LAMA2: variants seen among roughly 807,000 people sequenced by gnomAD.
LAMA2 encodes laminin subunit alpha-2.
LAMA2 carries 269 observed loss-of-function variants against 364.8 expected under a neutral mutation model. That is an observed-to-expected ratio of 0.74 (90% CI 0.67 to 0.82). The LOEUF is 0.82. Among genes scored for constraint, LAMA2 ranks in the 40% least tolerant of loss-of-function variants. The pLI is 0.00. For synonymous variants in LAMA2, 1,379 were observed against 1,370.6 expected (o/e 1.01, Z -0.14); for missense variants, 3,807 against 3,873.2 (o/e 0.98, Z 0.45).
intron 41 of LAMA2, among the ~76,000 whole-genome samples, chr6:129,438,264 C>A (rs1781932271): frequency 6.6e-6 from 1 of 151,738 alleles, no homozygotes; most frequent in African/African-American, 2.4e-5. Context: ...TCCAATGATT[C>A]ATTTTGGTAA....
intron 28 of LAMA2, 128 bp downstream of exon 28, chr6:129,320,783 G>A (rs1774917617): frequency 7.2e-6 from 5 of 697,424 alleles, no homozygotes; most frequent in Non-Finnish European, 1.1e-5. Context: ...CTCACAGTGT[G>A]AGACACAGTG....
At chr6:128,927,003 C>T (rs13198867) in intron 1 of LAMA2, among the ~76,000 whole-genome samples, 20,012 of 152,036 alleles carry the variant, frequency 0.13, 1,699 homozygotes, top group African/African-American at 0.24. Context: ...TATAAACCAT[C>T]GAGCAAGCAC....
At chr6:129,336,391 C>T (rs1019177552) in intron 29 of LAMA2, among the ~76,000 whole-genome samples, 4 of 152,112 alleles carry the variant, frequency 2.6e-5, no homozygotes, top group African/African-American at 9.7e-5. Context: ...TTTTCTAAAT[C>T]CCAGTAAAAT....
At chr6:129,214,946 T>C (rs182933748) in intron 12 of LAMA2, among the ~76,000 whole-genome samples, 78 of 152,336 alleles carry the variant, frequency 5.1e-4, no homozygotes, top group African/African-American at 1.7e-3. Context: ...CTTTGATTTC[T>C]TTCACTGGAG....
chr6:128,997,624 G>A (rs1784068815), intron 1 of LAMA2, among the ~76,000 whole-genome samples: 1 of 151,560 alleles, frequency 6.6e-6, no homozygotes, highest in Non-Finnish European at 1.5e-5. Flanking sequence ...GTGAAACCCT[G>A]TCTCTACCAA....
chr6:129,087,543 T>C (rs956173344), intron 3 of LAMA2, among the ~76,000 whole-genome samples: 19 of 152,178 alleles, frequency 1.2e-4, no homozygotes, highest in African/African-American at 4.6e-4. Flanking sequence ...GAAAATGTGG[T>C]TTCCTTTTAT....
chr6:129,155,906 A>G (rs1186913493), intron 8 of LAMA2, among the ~76,000 whole-genome samples: 1 of 152,038 alleles, frequency 6.6e-6, no homozygotes, highest in African/African-American at 2.4e-5. Flanking sequence ...AGAAAATATT[A>G]GGATTATTGC....
At chr6:129,077,297 C>T (rs752878511) in intron 3 of LAMA2, among the ~76,000 whole-genome samples, 4 of 151,880 alleles carry the variant, frequency 2.6e-5, no homozygotes, top group Middle Eastern at 3.2e-3. Context: ...GTTTATAAAA[C>T]GAAATACAAA....
chr6:129,492,160 A>G, intron 57 of LAMA2, 83 bp downstream of exon 57: 2 of 1,412,912 alleles, frequency 1.4e-6, no homozygotes, highest in Non-Finnish European at 2.0e-6. Flanking sequence ...TACATTGTCT[A>G]CAGCTATGCA....
At chr6:129,022,721 A>G (rs1464700356) in intron 1 of LAMA2, among the ~76,000 whole-genome samples, 1 of 152,176 alleles carries the variant, frequency 6.6e-6, no homozygotes, top group African/African-American at 2.4e-5. Context: ...ATAAGCAAAA[A>G]CAATTTTCAT....
intron 58 of LAMA2, among the ~76,000 whole-genome samples, chr6:129,499,141 GC>G (rs1334210398): frequency 2.0e-5 from 3 of 152,086 alleles, no homozygotes; most frequent in Non-Finnish European, 2.9e-5. Flanking sequence ...TGAAAAACAA[GC>G]GTATCTGTCC....
At chr6:129,191,407 A>C (rs968258865) in intron 11 of LAMA2, among the ~76,000 whole-genome samples, 2 of 152,218 alleles carry the variant, frequency 1.3e-5, no homozygotes, top group African/African-American at 4.8e-5. Flanking sequence ...ACTTCAAAGA[A>C]TCAACCACAG....
At position 129,277,273 on chromosome 6, in the gene LAMA2, A is replaced by G. The variant is rs940290187; in HGVS notation, c.2451-2788A>G. Among the ~76,000 whole-genome samples, 36 of 152,200 alleles carry G rather than the reference A, an allele frequency of 2.4e-4. 1 individual carries two copies. The highest frequency in any genetic ancestry group is 7.5e-4 in the African/African-American group (31 of 41,454). ...TTCCTCTTTGTGTCACGGAACAATT[A>G]GCTTCATGTCTTGGCCAAAATTAGT... On this transcript the variant is annotated intron_variant, in intron 17 of 64. Transcript: ENST00000421865.
chr6:129,103,189 G>GT (rs1775613262), intron 4 of LAMA2, among the ~76,000 whole-genome samples: 1 of 152,182 alleles, frequency 6.6e-6, no homozygotes, highest in Non-Finnish European at 1.5e-5. Context: ...TTAAACATAT[G>GT]TTTTTGTATA....
intron 1 of LAMA2, among the ~76,000 whole-genome samples, chr6:129,045,081 T>C (rs1357967485): frequency 6.6e-6 from 1 of 152,166 alleles, no homozygotes; most frequent in East Asian, 1.9e-4. Flanking sequence ...AGCAACTAAT[T>C]GGAGACCTTT....
intron 1 of LAMA2, among the ~76,000 whole-genome samples, chr6:128,984,511 C>A (rs1231451363): frequency 1.3e-5 from 2 of 152,140 alleles, no homozygotes; most frequent in Non-Finnish European, 2.9e-5. Flanking sequence ...CAAAAAATTT[C>A]CAACTTTCAA....
chr6:129,429,138 C>A (rs562240885), intron 41 of LAMA2, among the ~76,000 whole-genome samples: 2 of 152,332 alleles, frequency 1.3e-5, no homozygotes, highest in South Asian at 4.1e-4. Flanking sequence ...CAAATGCCAT[C>A]ATTTCCAGGA....
intron 1 of LAMA2, among the ~76,000 whole-genome samples, chr6:128,938,146 C>A (rs1158148253): frequency 6.6e-6 from 1 of 152,020 alleles, no homozygotes; most frequent in East Asian, 1.9e-4. Context: ...TCACCACTTA[C>A]AAGGTATTTA....
intron 9 of LAMA2, among the ~76,000 whole-genome samples, chr6:129,169,976 T>G (rs1160398074): frequency 4.6e-5 from 7 of 151,280 alleles, no homozygotes; most frequent in African/African-American, 9.8e-5. Context: ...TTCTCTGATT[T>G]TAGTTTGTAT....
Sources: gnomAD v4.1 joint callset for allele counts (sites outside exome capture counted in the v4.1 genomes callset) on GRCh38, gnomAD v4.1.1 for gene constraint, MANE v1.5 for transcripts, NCBI Gene and HGNC (gene_info 2026-07-23, HGNC 2026-07-21) for gene names.